CARMIL1: variants seen among roughly 807,000 people sequenced by gnomAD.
CARMIL1 encodes the protein F-actin-uncapping protein LRRC16A.
CARMIL1 carries 90 observed loss-of-function variants against 177.1 expected under a neutral mutation model. That is an observed-to-expected ratio of 0.51 (90% CI 0.43 to 0.61). CARMIL1 has a LOEUF of 0.61. CARMIL1 is among the 20% of genes least tolerant of loss of function. The pLI, the probability that CARMIL1 is intolerant of heterozygous loss-of-function variation, is 0.00. For synonymous variants in CARMIL1, 577 were observed against 606.2 expected (o/e 0.95, Z 0.71); for missense variants, 1,380 against 1,667.0 (o/e 0.83, Z 3.00).
At chr6:25,308,451 G>A (rs1302642380) in intron 2 of CARMIL1, among the ~76,000 whole-genome samples, 2 of 145,450 alleles carry the variant, frequency 1.4e-5, no homozygotes, top group Admixed American at 7.1e-5. Flanking sequence ...GCACGATCTC[G>A]GCTTACTGCA....
chr6:25,522,418 G>A (rs902842357), intron 23 of CARMIL1, among the ~76,000 whole-genome samples: 9 of 152,152 alleles, frequency 5.9e-5, no homozygotes, highest in Admixed American at 4.6e-4. Flanking sequence ...CAAGGAACTC[G>A]TTAAAAATGC....
intron 5 of CARMIL1, among the ~76,000 whole-genome samples, chr6:25,438,093 A>G (rs189863459): frequency 6.6e-6 from 1 of 152,342 alleles, no homozygotes; most frequent in Non-Finnish European, 1.5e-5. Context: ...AGGCTCTCTC[A>G]TATTTTCAGC....
chr6:25,285,647 A>C (rs1272862230), intron 2 of CARMIL1, among the ~76,000 whole-genome samples: 1 of 138,334 alleles, frequency 7.2e-6, no homozygotes, highest in East Asian at 1.9e-4. Flanking sequence ...GATGGAGAGA[A>C]TACTGTTTAA....
Position 25,452,000 on chromosome 6 carries a change from C to CG in CARMIL1, c.614+1289_614+1290insG, listed in dbSNP as rs546887539. On this transcript the variant is annotated intron_variant, in intron 8 of 36. Coordinates refer to ENST00000329474, the MANE Select transcript of CARMIL1 (RefSeq NM_017640.6). ...ACTAGCATCTTGCCCCCCCCTCCCC[C>CG]CCCCAGAATACTGTTTTGAATTATT... is the stretch of plus-strand genomic sequence containing the variant. The CG allele has an allele frequency of 5.8e-4, 108 of 185,032 alleles. 1 individual carries two copies. Among genetic ancestry groups the CG allele is most frequent in the Middle Eastern group, 3.1e-3 (2 of 636 alleles). 11.5% of individuals were successfully genotyped at this position (185,032 alleles called of 1,614,324 possible).
chr6:25,471,306 C>A, intron 10 of CARMIL1, 49 bp downstream of exon 10: 2 of 1,309,742 alleles, frequency 1.5e-6, no homozygotes, highest in Non-Finnish European at 2.1e-6. Flanking sequence ...AACTCTGTGC[C>A]ATTTGCTCTT....
chr6:25,357,793 T>C (rs767162804), intron 2 of CARMIL1, among the ~76,000 whole-genome samples: 16 of 152,202 alleles, frequency 1.1e-4, no homozygotes, highest in Admixed American at 9.8e-4. Flanking sequence ...TTTCAGCAAG[T>C]AGATGCTCAA....
intron 11 of CARMIL1, among the ~76,000 whole-genome samples, chr6:25,478,288 A>T (rs923226191): frequency 6.6e-6 from 1 of 152,028 alleles, no homozygotes; most frequent in Non-Finnish European, 1.5e-5. Context: ...GTCTCAGTGT[A>T]TATCAGTGAG....
chr6:25,586,922 T>C (rs1813789280), intron 31 of CARMIL1, among the ~76,000 whole-genome samples: 1 of 151,070 alleles, frequency 6.6e-6, no homozygotes, highest in South Asian at 2.1e-4. Context: ...CAGCCTCGGC[T>C]CGGCATCAGA....
intron 2 of CARMIL1, among the ~76,000 whole-genome samples, chr6:25,317,681 C>T (rs1337318636): frequency 2.0e-5 from 3 of 150,524 alleles, no homozygotes; most frequent in African/African-American, 7.4e-5. Flanking sequence ...CTACCTCATT[C>T]TCCTGACTAG....
At chr6:25,385,354 T>C (rs1351927045) in intron 2 of CARMIL1, among the ~76,000 whole-genome samples, 2 of 152,170 alleles carry the variant, frequency 1.3e-5, no homozygotes, top group African/African-American at 4.8e-5. Context: ...TTCGAACAGT[T>C]GAGTGGCATG....
At chr6:25,559,822 C>T (rs1244618689) in intron 29 of CARMIL1, among the ~76,000 whole-genome samples, 1 of 152,160 alleles carries the variant, frequency 6.6e-6, no homozygotes, top group Non-Finnish European at 1.5e-5. Context: ...ATTCTGGGAA[C>T]CCTTTTGTCC....
At chr6:25,537,131 G>A (rs1808380759) in intron 24 of CARMIL1, among the ~76,000 whole-genome samples, 1 of 152,044 alleles carries the variant, frequency 6.6e-6, no homozygotes, top group African/African-American at 2.4e-5. Context: ...CTCCCATTGG[G>A]TTTTGTGTTT....
At chr6:25,546,125 A>AT (rs1327736790) in intron 26 of CARMIL1, among the ~76,000 whole-genome samples, 4 of 152,158 alleles carry the variant, frequency 2.6e-5, no homozygotes, top group East Asian at 1.9e-4. Context: ...ATTTTTTCCA[A>AT]TTTTTTGTAG....
chr6:25,482,439 TA>T lies in CARMIL1; in HGVS notation c.961+103del, dbSNP rs541839632. 9.2e-4 allele frequency: 534 copies of T among 581,122 alleles called. 4 individuals carry two copies. Among genetic ancestry groups the T allele is most frequent in the African/African-American group, 4.7e-3 (238 of 50,882 alleles). The allele number at this position is 581,122 out of a possible 1,614,324, so 36.0% of individuals were successfully genotyped here. A position where few individuals can be genotyped will look rare whatever the true frequency, so the allele number is the denominator to read the frequency against. ...TTATTTGTTACATTTAAAAATACAT[TA>T]AAAAAATACATTTAAAATATATGTA... On this transcript the variant is annotated intron_variant, in intron 12 of 36. Transcript: ENST00000329474.
intron 31 of CARMIL1, among the ~76,000 whole-genome samples, chr6:25,582,294 C>T (rs974758834): frequency 6.6e-6 from 1 of 152,296 alleles, no homozygotes; most frequent in Non-Finnish European, 1.5e-5. Context: ...CCGTTGATCT[C>T]TGAGTCATCA....
intron 31 of CARMIL1, among the ~76,000 whole-genome samples, chr6:25,586,830 T>C (rs1490037258): frequency 3.3e-5 from 5 of 151,872 alleles, no homozygotes; most frequent in African/African-American, 9.7e-5. Flanking sequence ...GGCGCGCGCC[T>C]GCAATCCCAG....
intron 2 of CARMIL1, among the ~76,000 whole-genome samples, chr6:25,418,410 TTATG>T (rs1365271013): frequency 6.6e-6 from 1 of 152,152 alleles, no homozygotes; most frequent in Non-Finnish European, 1.5e-5. Context: ...TCCCTACAGA[TTATG>T]TAGCCAGTCT....
At chr6:25,468,048 C>T (rs1489269366) in intron 9 of CARMIL1, among the ~76,000 whole-genome samples, 1 of 152,154 alleles carries the variant, frequency 6.6e-6, no homozygotes, top group Non-Finnish European at 1.5e-5. Context: ...AAATAAGTGG[C>T]TGCTTCTCAA....
At chr6:25,313,210 A>C (rs1239324369) in intron 2 of CARMIL1, among the ~76,000 whole-genome samples, 1 of 152,210 alleles carries the variant, frequency 6.6e-6, no homozygotes, top group Non-Finnish European at 1.5e-5. Flanking sequence ...GATTAAGAAA[A>C]AAAAACCAAG....
Sources: gnomAD v4.1 joint callset for allele counts (sites outside exome capture counted in the v4.1 genomes callset) on GRCh38, gnomAD v4.1.1 for gene constraint, MANE v1.5 for transcripts, NCBI Gene and HGNC (gene_info 2026-07-23, HGNC 2026-07-21) for gene names.